TTN: variants seen among roughly 807,000 people sequenced by gnomAD.
TTN encodes the protein titin, also known as connectin.
Under a neutral mutation model 3,223.0 loss-of-function variants are expected in TTN, and 1,525 were observed. The observed-to-expected ratio is 0.47, with a 90% CI of 0.45 to 0.49. TTN has a LOEUF of 0.49. TTN is among the 20% of genes least tolerant of loss of function. The pLI is 0.00. For missense variants in TTN, 40,786 were observed against 43,424.0 expected (o/e 0.94, Z 5.40); for synonymous variants, 14,094 against 15,161.0 (o/e 0.93, Z 5.17).
chr2:178,528,423 G>T lies in TTN; in HGVS notation c.107228C>A (p.Ser35743Tyr). 6.2e-7 allele frequency: 1 copy of T among 1,612,600 alleles called. No homozygotes were observed. Among genetic ancestry groups the T allele is most frequent in the South Asian group, 1.1e-5 (1 of 90,518 alleles). ...GCTTATGCTGACATTTGAAGAAATA[G>T]AAATCTAAGACAAAGGAAAAAGAAA... Reference protein sequence around the residue: ...IEWFKNNLPISISSNVSISRS... With the variant: ...IEWFKNNLPIYISSNVSISRS... The change falls in exon 361 of 363, where the codon TCT (serine) becomes TAT (tyrosine). Residue 35743 changes from serine to tyrosine, a missense_variant. Coordinates refer to ENST00000589042, the MANE Select transcript of TTN (RefSeq NM_001267550.2).
Position 178,784,277 on chromosome 2 carries a change from G to C in TTN, c.2568C>G (p.Thr856=). The C allele has an allele frequency of 6.2e-7, 1 of 1,614,066 alleles. No individual in the cohort carries two copies. Among genetic ancestry groups the C allele is most frequent in the Non-Finnish European group, 8.5e-7 (1 of 1,179,990 alleles). Residue 856 remains threonine (T), a synonymous_variant, in exon 16 of 363, where the codon ACC becomes ACG. Coordinates refer to ENST00000589042, the MANE Select transcript of TTN (RefSeq NM_001267550.2). ...TCACAGTAGGAGCCTTCACCGATTT[G>C]GTGATCTTCTGAGCAGAAGATGTGG... ...LSATSSAQKI[T]KSVKAPTVKP... is the part of the protein sequence containing the mutation.
At chr2:178,726,992 A>T in intron 69 of TTN, 98 bp downstream of exon 69, 1 of 1,211,786 alleles carries the variant, frequency 8.3e-7, no homozygotes, top group Non-Finnish European at 1.1e-6. Flanking sequence ...TATGATCTCA[A>T]ATGGAAACTA....
rs2154297990 is a variant in TTN, at chr2:178,715,767, G to T, written c.25647C>A (p.Pro8549=). 1 of 1,577,936 alleles carries T rather than the reference G, an allele frequency of 6.3e-7. No homozygotes were observed. The highest frequency in any genetic ancestry group is 1.2e-5 in the South Asian group (1 of 86,704). ...AAGGTTCTAGCTTCTTAATGAACCTGGGTGGTTCTATGGAACCAAGAGGAA... is the reference window on the plus strand; with the variant it reads ...AAGGTTCTAGCTTCTTAATGAACCTTGGTGGTTCTATGGAACCAAGAGGAA... The part of the protein sequence containing the change: ...CSAQLGVQEP[P]RFIKKLEPSR... The change falls in exon 89 of 363, where the codon CCC becomes CCA. Residue 8549 remains proline, a synonymous_variant. Coordinates refer to ENST00000589042, the MANE Select transcript of TTN (RefSeq NM_001267550.2).
In TTN at chr2:178,554,424, T is replaced by G. The variant is rs565577450; in HGVS notation, c.88894+29A>C. The G allele has an allele frequency of 1.2e-4, 189 of 1,600,700 alleles. 2 individuals carry two copies. The South Asian group carries it at 2.0e-3, about 17-fold the overall frequency. ...TAGTTTATTTTTAAATTTTTCACGTTTCAGTTTTCTAATGAAATCATGTCT... is the reference window on the plus strand; with the variant it reads ...TAGTTTATTTTTAAATTTTTCACGTGTCAGTTTTCTAATGAAATCATGTCT... On this transcript the variant is annotated intron_variant, in intron 332 of 362. Coordinates refer to ENST00000589042, the MANE Select transcript of TTN (RefSeq NM_001267550.2).
chr2:178,694,925 A>T lies in TTN; in HGVS notation c.31271-19T>A, dbSNP rs1478154140. ...TTTATAACTGCAAGCATTTTAGAGA[A>T]ATTGCAGTACTTTTAGAATTCCTAT... On this transcript the variant is annotated intron_variant, in intron 115 of 362. Transcript: ENST00000589042. 1 of 1,500,558 alleles carries T rather than the reference A, an allele frequency of 6.7e-7. No homozygotes were observed. The allele number at this position is 1,500,558 out of a possible 1,614,324, so 93.0% of individuals were successfully genotyped here.
Position 178,578,915 on chromosome 2 carries a change from T to G in TTN, c.68115A>C (p.Val22705=). The G allele has an allele frequency of 6.2e-7, 1 of 1,613,338 alleles. No homozygotes were observed. The change falls in exon 320 of 363, where the codon GTA becomes GTC. Residue 22705 remains valine (V), a synonymous_variant. Coordinates refer to ENST00000589042, the MANE Select transcript of TTN (RefSeq NM_001267550.2). ...ATTCCATGCCCTCATGAAGTCTGGT[T>G]ACTCTAAAGGTGGTTTTCTGGACAG... The part of the protein sequence containing the change: ...ASAVQKTTFR[V]TRLHEGMEYT...
rs1473622038 is a variant in TTN at position 178,776,132 on chromosome 2, T to G, written c.5732A>C (p.Lys1911Thr). The G allele has an allele frequency of 6.2e-7, 1 of 1,614,044 alleles. No homozygotes were observed. Among genetic ancestry groups the G allele is most frequent in the Non-Finnish European group, 8.5e-7 (1 of 1,180,002 alleles). The change falls in exon 28 of 363, where the codon AAG becomes ACG. Residue 1911 changes from lysine to threonine, a missense_variant. Transcript: ENST00000589042. ...DCKSYDTGEV[K>T]VTAENPEGVI... The stretch of plus-strand genomic sequence containing the variant: ...ACCTTCAGGATTTTCCGCGGTGACC[T>G]TCACTTCACCTGTGTCATATGATTT...
At position 178,608,872 on chromosome 2, in the gene TTN, T is replaced by C. The variant is rs373305248; in HGVS notation, c.52139A>G (p.Asp17380Gly). The change falls in exon 274 of 363, where the codon GAT becomes GGT. Residue 17380 changes from aspartate (D) to glycine (G), a missense_variant. Transcript: ENST00000589042. ...ACAAAGGACTGAGGTCTTTCTGATA[T>C]CTTCAAATACAAAGTTGATTGGTGG... ...PGPPINFVFEDIRKTSVLCKW... is the reference protein window; with the variant it reads ...PGPPINFVFEGIRKTSVLCKW... The C allele has an allele frequency of 2.5e-6, 4 of 1,611,422 alleles. No individual in the cohort carries two copies. Among genetic ancestry groups the C allele is most frequent in the East Asian group, 4.5e-5 (2 of 44,720 alleles).
chr2:178,643,140 A>G (rs2061461203), intron 218 of TTN, among the ~76,000 whole-genome samples: 1 of 151,946 alleles, frequency 6.6e-6, no homozygotes, highest in Non-Finnish European at 1.5e-5. Flanking sequence ...ACTAATGTCA[A>G]TTAAAATCTA....
In TTN at chr2:178,634,464, T is replaced by C; in HGVS notation, c.42317A>G (p.Lys14106Arg). The C allele has an allele frequency of 6.2e-7, 1 of 1,613,244 alleles. No individual in the cohort carries two copies. The highest frequency in any genetic ancestry group is 1.1e-5 in the South Asian group (1 of 91,052). ...DKFDIIADGK[K>R]HILVINDSQF... ...AGAATCATTAATAACAAGAATATGT[T>C]TCTTTCCATCAGCGATGATATCAAA... The change falls in exon 230 of 363, where the codon AAA becomes AGA. Residue 14106 changes from lysine to arginine, a missense_variant. Lys to Arg is a conservative substitution (Grantham distance 26). Transcript: ENST00000589042. The surrounding 1 kb of genome is among the most constrained non-coding windows in gnomAD (Gnocchi z 4.6).
chr2:178,773,802 ATAGTG>A (rs776532245), intron 31 of TTN, 31 bp downstream of exon 31: 1 of 1,613,996 alleles, frequency 6.2e-7, no homozygotes, highest in African/African-American at 1.3e-5. Flanking sequence ...ATGTTGCTTA[ATAGTG>A]TAAACATAAA....
At chr2:178,792,025 T>C (rs1260424341) in intron 10 of TTN, 47 bp downstream of exon 10, 2 of 1,597,804 alleles carry the variant, frequency 1.3e-6, no homozygotes, top group Non-Finnish European at 1.7e-6. Flanking sequence ...CTGGCTGTAA[T>C]GTGATATTGT....
In TTN at chr2:178,561,768, C is replaced by G. The variant is rs371768793; in HGVS notation, c.84364G>C (p.Gly28122Arg). 6.2e-7 allele frequency: 1 copy of G among 1,613,520 alleles called. No individual in the cohort carries two copies. The highest frequency in any genetic ancestry group is 8.5e-7 in the Non-Finnish European group (1 of 1,179,742). ...TSIKIVRLTTGSEYQFRVCAE... is the reference protein window; with the variant it reads ...TSIKIVRLTTRSEYQFRVCAE... ...CAAACACGGAACTGATACTCACTTC[C>G]TGTTGTCAGGCGAACTATTTTAATG... The change falls in exon 326 of 363, where the codon GGA (glycine) becomes CGA (arginine). Residue 28122 changes from glycine to arginine, a missense_variant. Physicochemically the swap from Gly to Arg is moderately radical, Grantham distance 125 (BLOSUM62 -2). Coordinates refer to ENST00000589042, the MANE Select transcript of TTN (RefSeq NM_001267550.2).
rs879206414 is a variant in TTN at position 178,589,735 on chromosome 2, T to C, written c.61990A>G (p.Asn20664Asp). 2 of 1,613,564 alleles carry C rather than the reference T, an allele frequency of 1.2e-6. No individual in the cohort carries two copies. The highest frequency in any genetic ancestry group is 2.7e-5 in the African/African-American group (2 of 75,026). The change falls in exon 304 of 363, where the codon AAC becomes GAC. Residue 20664 changes from asparagine to aspartate, a missense_variant. Transcript: ENST00000589042. ...GGCTCACCTGGTCTGTCAATAGGGT[T>C]AATAGCCAGAATGGGAGTTTTTGTT... Reference protein sequence around the residue: ...IETKTPILAINPIDRPGEPEN... With the variant: ...IETKTPILAIDPIDRPGEPEN...
chr2:178,564,887 G>T lies in TTN; in HGVS notation c.81245C>A (p.Thr27082Lys), dbSNP rs368265185. Residue 27082 changes from threonine (T) to lysine (K), a missense_variant, in exon 326 of 363, where the codon ACA (threonine) becomes AAA (lysine). Coordinates refer to ENST00000589042, the MANE Select transcript of TTN (RefSeq NM_001267550.2). ...AAGCATCTGATCTTTTGAGATTGATGTCACAAAAGGAGTTCCAGGTGGTCC... is the reference window on the plus strand; with the variant it reads ...AAGCATCTGATCTTTTGAGATTGATTTCACAAAAGGAGTTCCAGGTGGTCC... ...EPGPPGTPFV[T>K]SISKDQMLVQ... The T allele has an allele frequency of 6.2e-7, 1 of 1,612,358 alleles. No homozygotes were observed. The highest frequency in any genetic ancestry group is 1.3e-5 in the African/African-American group (1 of 74,900).
chr2:178,732,485 T>C lies in TTN; in HGVS notation c.16576A>G (p.Asn5526Asp), dbSNP rs752558197. ...DSGTYTCKVS[N>D]VAGGVECSAN... is the part of the protein sequence containing the mutation. The stretch of plus-strand genomic sequence containing the variant: ...CTGCATTCCACCCCTCCAGCGACAT[T>C]GCTGACTTTACATGTGTACGTGCCC... The change falls in exon 56 of 363, where the codon AAT (asparagine) becomes GAT (aspartate). Residue 5526 changes from asparagine to aspartate, a missense_variant. Asn to Asp is a conservative substitution (Grantham distance 23, BLOSUM62 1). Transcript: ENST00000589042. 5 of 1,613,148 alleles carry C rather than the reference T, an allele frequency of 3.1e-6. No homozygotes were observed. Among genetic ancestry groups the C allele is most frequent in the Non-Finnish European group, 4.2e-6 (5 of 1,179,416 alleles).
chr2:178,609,322 CCT>C lies in TTN; in HGVS notation c.51986_51987del (p.Lys17329ArgfsTer14), dbSNP rs1195974666. 1 of 1,609,392 alleles carries C rather than the reference CCT, an allele frequency of 6.2e-7. No individual in the cohort carries two copies. The highest frequency in any genetic ancestry group is 8.5e-7 in the Non-Finnish European group (1 of 1,177,696). On this transcript the variant is annotated frameshift_variant, in exon 273 of 363. Transcript: ENST00000589042. LOFTEE classifies it high-confidence loss of function. ...TQRLSIDNSK[K>X]GESQLRVRDS... ...TCTCGGACGCGTAGCTGAGATTCTC[CCT>C]TTTTGCTGTTGTCAATACTCAAACG...
chr2:178,592,116 T>C lies in TTN; in HGVS notation c.59788A>G (p.Thr19930Ala), dbSNP rs200290906. The change falls in exon 302 of 363, where the codon ACA becomes GCA. Residue 19930 changes from threonine to alanine, a missense_variant. By Grantham distance (58) the Thr-to-Ala change is moderately conservative. Transcript: ENST00000589042. ...GCGAAGTGACTCTTTTTCTTTGATG[T>C]AGCTGAGAGAGGTGACCACTGGGCG... ...ASAQWSPLSA[T>A]SKKKSHFAKH... 6.2e-7 allele frequency: 1 copy of C among 1,612,966 alleles called. No homozygotes were observed. The highest frequency in any genetic ancestry group is 8.5e-7 in the Non-Finnish European group (1 of 1,179,482).
chr2:178,588,652 CT>C lies in TTN; in HGVS notation c.63072del (p.Val21025TyrfsTer38). 1 of 1,610,308 alleles carries C rather than the reference CT, an allele frequency of 6.2e-7. No individual in the cohort carries two copies. The highest frequency in any genetic ancestry group is 8.5e-7 in the Non-Finnish European group (1 of 1,178,506). ...TCATGGTCTGGGAGGAGATTCTGTA[CT>C]TTCATACGTCTCTCAGGGATTGCAC... ...NKSAIPERRM[K>X]VQNLLPDHEY... is the part of the protein sequence containing the mutation. On this transcript the variant is annotated frameshift_variant, in exon 304 of 363. Transcript: ENST00000589042. LOFTEE classifies it high-confidence loss of function.
Sources: gnomAD v4.1 joint callset for allele counts (sites outside exome capture counted in the v4.1 genomes callset) on GRCh38, gnomAD v4.1.1 for gene constraint, Gnocchi (gnomAD v3.1) non-coding constraint, MANE v1.5 for transcripts, NCBI Gene and HGNC (gene_info 2026-07-23, HGNC 2026-07-21) for gene names.